Variants in TMEM205 observed in about 807,000 individuals in gnomAD.
The protein encoded by TMEM205 is MBC3205.
Under a neutral mutation model 17.9 loss-of-function variants are expected in TMEM205, and 11 were observed. That is an observed-to-expected ratio of 0.61 (90% CI 0.39 to 1.02). The LOEUF is 1.02. Among genes scored for constraint, TMEM205 ranks in the 50% least tolerant of loss-of-function variants. TMEM205 has a pLI of 0.01. For missense variants in TMEM205, 236 were observed against 239.4 expected (o/e 0.99, Z 0.09); for synonymous variants, 86 against 97.4 (o/e 0.88, Z 0.69).
chr19:11,345,047 G>A (rs186874767), intron 2 of TMEM205: 236 of 490,570 alleles, frequency 4.8e-4, no homozygotes, highest in Admixed American at 1.5e-3. Flanking sequence ...TAGTAGAGAC[G>A]GGGTTTCACC....
intron 2 of TMEM205, chr19:11,344,616 A>G (rs1234050138): frequency 6.6e-6 from 1 of 152,256 alleles, no homozygotes; most frequent in East Asian, 1.9e-4. Context: ...GCTGGGGTCA[A>G]TGTGCCAGCT....
rs1379699684 is a variant in TMEM205 at position 11,342,981 on chromosome 19, T to C, written c.404A>G (p.Gln135Arg). 6.2e-7 allele frequency: 1 copy of C among 1,614,190 alleles called. No homozygotes were observed. Among genetic ancestry groups the C allele is most frequent in the East Asian group, 2.2e-5 (1 of 44,882 alleles). The change falls in exon 3 of 3, where the codon CAG (glutamine) becomes CGG (arginine). Residue 135 changes from glutamine (Q) to arginine (R), a missense_variant. Coordinates refer to ENST00000354882, the MANE Select transcript of TMEM205 (RefSeq NM_198536.3). Reference sequence around the variant, plus strand: ...CAGCTGGCGGTAGGGATCGGGACCCTGGTGGCTGCCTGGTACCTCCCCACC... The same window carrying C: ...CAGCTGGCGGTAGGGATCGGGACCCCGGTGGCTGCCTGGTACCTCCCCACC... ...GLGGEVPGSH[Q>R]GPDPYRQLRE...
rs546332061 is a variant in TMEM205, at chr19:11,344,673, G to A, written c.264+579C>T. The A allele has an allele frequency of 2.0e-5, 3 of 152,708 alleles. No homozygotes were observed. The East Asian group carries it at 5.8e-4, about 29-fold the overall frequency. The allele number at this position is 152,708 out of a possible 1,614,324, so 9.5% of individuals were successfully genotyped here. A position where few individuals can be genotyped will look rare whatever the true frequency, so the allele number is the denominator to read the frequency against. On this transcript the variant is annotated intron_variant, in intron 2 of 2. Transcript: ENST00000354882. ...GCAGCAGGCCCAGCCAGCGGGAGGA[G>A]AGGGAACAGCAGCTAGCAGGGAGAT...
Position 11,345,313 on chromosome 19 carries a change from T to A in TMEM205, c.203A>T (p.Asn68Ile). The A allele has an allele frequency of 6.2e-7, 1 of 1,613,940 alleles. No individual in the cohort carries two copies. Among genetic ancestry groups the A allele is most frequent in the Non-Finnish European group, 8.5e-7 (1 of 1,179,952 alleles). Residue 68 changes from asparagine (N) to isoleucine (I), a missense_variant, in exon 2 of 3, where the codon AAC becomes ATC. By Grantham distance (149) the Asn-to-Ile change is moderately radical. Coordinates refer to ENST00000354882, the MANE Select transcript of TMEM205 (RefSeq NM_198536.3). ...ATGCTGTGAAGCCAAGATGCAGAGG[T>A]TGATGAAGGCACAGCCCATGGAGAT... ...FHISMGCAFI[N>I]LCILASQHAW...
At chr19:11,344,931 C>T (rs1389983758) in intron 2 of TMEM205, among the ~76,000 whole-genome samples, 1 of 150,770 alleles carries the variant, frequency 6.6e-6, no homozygotes, top group Non-Finnish European at 1.5e-5. Flanking sequence ...TCTCGGCTCA[C>T]TGCAACCTCT....
In TMEM205 at chr19:11,343,020, T is replaced by A. The variant is rs1966999120; in HGVS notation, c.365A>T (p.Lys122Met). Residue 122 changes from lysine (K) to methionine (M), a missense_variant, in exon 3 of 3, where the codon AAG becomes ATG. Physicochemically the swap from Lys to Met is moderately conservative, Grantham distance 95. Transcript: ENST00000354882. ...AAMWALQTVE[K>M]ERGLGGEVPG... ...TACCTCCCCACCCAGGCCTCGCTCC[T>A]TCTCCACGGTTTGCAGGGCCCACAT... 1.2e-6 allele frequency: 2 copies of A among 1,614,048 alleles called. No individual in the cohort carries two copies. The highest frequency in any genetic ancestry group is 2.7e-5 in the African/African-American group (2 of 74,928).
chr19:11,343,509 G>A (rs575386658), intron 2 of TMEM205, among the ~76,000 whole-genome samples: 2 of 152,340 alleles, frequency 1.3e-5, no homozygotes, highest in Non-Finnish European at 1.5e-5. Context: ...GTGGCTGGGC[G>A]CAGTGGCTCA....
chr19:11,344,342 A>T (rs1240653230), intron 2 of TMEM205, among the ~76,000 whole-genome samples: 1 of 152,082 alleles, frequency 6.6e-6, no homozygotes, highest in Non-Finnish European at 1.5e-5. Flanking sequence ...AGCCTGTTTC[A>T]TTAAAATAAA....
rs932025270 is a variant in TMEM205, at chr19:11,346,108, C to T, written c.-489G>A. Reference sequence around the variant, plus strand: ...CCCCGAGGAAACGCCAAATCTCATCCCGAGGACACCGATCCCACCGTTAGG... The same window carrying T: ...CCCCGAGGAAACGCCAAATCTCATCTCGAGGACACCGATCCCACCGTTAGG... On this transcript the variant is annotated 5_prime_UTR_variant, in exon 1 of 3. Coordinates refer to ENST00000354882, the MANE Select transcript of TMEM205 (RefSeq NM_198536.3). 1 of 234,144 alleles carries T rather than the reference C, an allele frequency of 4.3e-6. No individual in the cohort carries two copies. Among genetic ancestry groups the T allele is most frequent in the South Asian group, 4.5e-5 (1 of 22,126 alleles). 14.5% of individuals were successfully genotyped at this position (234,144 alleles called of 1,614,324 possible).
rs778656916 is a variant in TMEM205, at chr19:11,342,847, C to A, written c.538G>T (p.Ala180Ser). 5.0e-6 allele frequency: 8 copies of A among 1,614,000 alleles called. No individual in the cohort carries two copies. Among genetic ancestry groups the A allele is most frequent in the African/African-American group, 1.3e-5 (1 of 74,912 alleles). The change falls in exon 3 of 3, where the codon GCT (alanine) becomes TCT (serine). Residue 180 changes from alanine to serine, a missense_variant. Transcript: ENST00000354882. The stretch of plus-strand genomic sequence containing the variant: ...CTCCTTATTTCCAGGGCAAGGCCAG[C>A]GAGACAGAGCCCATTGCTCAGGACG... The part of the protein sequence containing the change: ...GCVLSNGLCL[A>S]GLALEIRSL
Position 11,345,251 on chromosome 19 carries a change from C to G in TMEM205, c.264+1G>C. ...GGGCAGTGGCACTCAAACCCACGTACCTGGCTGGCCTCCCAGAATGTGAGC... is the reference window on the plus strand; with the variant it reads ...GGGCAGTGGCACTCAAACCCACGTAGCTGGCTGGCCTCCCAGAATGTGAGC... On this transcript the variant is annotated splice_donor_variant, in intron 2 of 2. Transcript: ENST00000354882. LOFTEE classifies it high-confidence loss of function. The G allele has an allele frequency of 6.2e-7, 1 of 1,613,934 alleles. No homozygotes were observed. Among genetic ancestry groups the G allele is most frequent in the Non-Finnish European group, 8.5e-7 (1 of 1,179,920 alleles).
rs938728022 is a variant in TMEM205, at chr19:11,343,253, C to T, written c.265-133G>A. 65 of 930,952 alleles carry T rather than the reference C, an allele frequency of 7.0e-5. 2 individuals carry two copies. In the South Asian group the frequency reaches 9.7e-4, roughly 14 times the overall value. 57.7% of individuals were successfully genotyped at this position (930,952 alleles called of 1,614,324 possible). ...CACTGGATCAAAAAACCTGCCTCCC[C>T]CTCTTTCCTTGAACCCAGACTGAGG... On this transcript the variant is annotated intron_variant, in intron 2 of 2. Transcript: ENST00000354882.
rs1298389351 is a variant in TMEM205 at position 11,342,970 on chromosome 19, G to A, written c.415C>T (p.Pro139Ser). The stretch of plus-strand genomic sequence containing the variant: ...TCCTTCTCTCGCAGCTGGCGGTAGG[G>A]ATCGGGACCCTGGTGGCTGCCTGGT... ...EVPGSHQGPDPYRQLREKDPK... is the reference protein window; with the variant it reads ...EVPGSHQGPDSYRQLREKDPK... Residue 139 changes from proline (P) to serine (S), a missense_variant, in exon 3 of 3, where the codon CCC becomes TCC. Physicochemically the swap from Pro to Ser is moderately conservative, Grantham distance 74. Coordinates refer to ENST00000354882, the MANE Select transcript of TMEM205 (RefSeq NM_198536.3). 2.5e-6 allele frequency: 4 copies of A among 1,614,178 alleles called. No individual in the cohort carries two copies. The highest frequency in any genetic ancestry group is 2.5e-6 in the Non-Finnish European group (3 of 1,180,030).
chr19:11,343,169 G>A, intron 2 of TMEM205, 49 bp from the exon 3 acceptor site: 2 of 1,563,072 alleles, frequency 1.3e-6, no homozygotes, highest in South Asian at 1.2e-5. Flanking sequence ...GGAGGCCAGA[G>A]GGGCCCTAGG....
At chr19:11,343,256 C>G in intron 2 of TMEM205, 136 bp from the exon 3 acceptor site, 1 of 905,924 alleles carries the variant, frequency 1.1e-6, no homozygotes, top group Non-Finnish European at 1.6e-6. Flanking sequence ...GCCTCCCCCT[C>G]TTTCCTTGAA....
chr19:11,345,781 A>C lies in TMEM205; in HGVS notation c.-162T>G, dbSNP rs1967188358. 1 of 1,378,448 alleles carries C rather than the reference A, an allele frequency of 7.3e-7. No homozygotes were observed. Among genetic ancestry groups the C allele is most frequent in the Non-Finnish European group, 9.5e-7 (1 of 1,048,376 alleles). The allele number at this position is 1,378,448 out of a possible 1,614,324, so 85.4% of individuals were successfully genotyped here. A position where few individuals can be genotyped will look rare whatever the true frequency, so the allele number is the denominator to read the frequency against. On this transcript the variant is annotated 5_prime_UTR_variant, in exon 1 of 3. Transcript: ENST00000354882. Reference sequence around the variant, plus strand: ...AATGAGAGTGAGAAAGGCCCAAAGCAGTCAAGGCCCAAAGACAACCCTCGA... The same window carrying C: ...AATGAGAGTGAGAAAGGCCCAAAGCCGTCAAGGCCCAAAGACAACCCTCGA...
rs564427057 is a variant in TMEM205, at chr19:11,343,015, G to C, written c.370C>G (p.Arg124Gly). The change falls in exon 3 of 3, where the codon CGA becomes GGA. Residue 124 changes from arginine (R) to glycine (G), a missense_variant. Coordinates refer to ENST00000354882, the MANE Select transcript of TMEM205 (RefSeq NM_198536.3). ...MWALQTVEKE[R>G]GLGGEVPGSH... is the part of the protein sequence containing the mutation. ...CCTGGTACCTCCCCACCCAGGCCTCGCTCCTTCTCCACGGTTTGCAGGGCC... is the reference window on the plus strand; with the variant it reads ...CCTGGTACCTCCCCACCCAGGCCTCCCTCCTTCTCCACGGTTTGCAGGGCC... 2 of 1,614,136 alleles carry C rather than the reference G, an allele frequency of 1.2e-6. No individual in the cohort carries two copies. The highest frequency in any genetic ancestry group is 2.2e-5 in the South Asian group (2 of 91,082).
In TMEM205 at chr19:11,343,008, A is replaced by G; in HGVS notation, c.377T>C (p.Leu126Pro). 6.2e-7 allele frequency: 1 copy of G among 1,614,104 alleles called. No individual in the cohort carries two copies. The highest frequency in any genetic ancestry group is 1.1e-5 in the South Asian group (1 of 91,086). Residue 126 changes from leucine to proline, a missense_variant, in exon 3 of 3, where the codon CTG becomes CCG. By Grantham distance (98) the Leu-to-Pro change is moderately conservative. Coordinates refer to ENST00000354882, the MANE Select transcript of TMEM205 (RefSeq NM_198536.3). ...ALQTVEKERG[L>P]GGEVPGSHQG... is the part of the protein sequence containing the mutation. ...GTGGCTGCCTGGTACCTCCCCACCCAGGCCTCGCTCCTTCTCCACGGTTTG... is the reference window on the plus strand; with the variant it reads ...GTGGCTGCCTGGTACCTCCCCACCCGGGCCTCGCTCCTTCTCCACGGTTTG...
chr19:11,345,006 C>A (rs1657903316), intron 2 of TMEM205, among the ~76,000 whole-genome samples: 2 of 152,226 alleles, frequency 1.3e-5, no homozygotes, highest in African/African-American at 2.4e-5. Context: ...CAGGTGCACA[C>A]CACCACGCCT....
Sources: allele counts gnomAD v4.1 joint callset (sites outside exome capture counted in the v4.1 genomes callset), GRCh38; gene constraint gnomAD v4.1.1; transcripts MANE v1.5; gene names NCBI Gene and HGNC (gene_info 2026-07-23, HGNC 2026-07-21).